The following NRAP variants were observed in gnomAD, a reference collection of about 807,000 sequenced individuals.
The protein encoded by NRAP is nebulin related anchoring protein, also known as nebulin-related-anchoring protein.
In NRAP, 189 loss-of-function variants were observed where a neutral mutation model predicts 225.9. The ratio of observed to expected loss-of-function variants is 0.84; its 90% CI spans 0.74 to 0.94. The LOEUF (loss-of-function observed/expected upper bound fraction) is 0.94. NRAP is among the 40% of genes least tolerant of loss of function. The probability of loss-of-function intolerance (pLI) is 0.00; values close to 1 mark genes in which losing one functional copy is unlikely to be tolerated. For synonymous variants in NRAP, 769 were observed against 790.7 expected, an observed-to-expected ratio of 0.97 and a Z score of 0.46; for missense variants, 2,176 against 2,168.7, an observed-to-expected ratio of 1.00 and a Z score of -0.07.
rs374696721 is a variant in NRAP, at chr10:113,654,012, G to C, written c.465+9C>G. 3 of 1,563,112 alleles carry C rather than the reference G, an allele frequency of 1.9e-6. No homozygotes were observed. Among genetic ancestry groups the C allele is most frequent in the Non-Finnish European group, 1.8e-6 (2 of 1,133,970 alleles). On this transcript the variant is annotated intron_variant, in intron 5 of 41. Coordinates refer to ENST00000359988, the MANE Select transcript of NRAP (RefSeq NM_198060.4). ...AACCAATTCCTAAAGCAATTTCTAG[G>C]GTGCTTACCTCACCAAGAGACTTTC...
At position 113,604,179 on chromosome 10, in the gene NRAP, C is replaced by T. The variant is rs543753903; in HGVS notation, c.4227+430G>A. Among the ~76,000 whole-genome samples the T allele has an allele frequency of 5.3e-5, 8 of 152,140 alleles. 1 individual carries two copies. The highest frequency in any genetic ancestry group is 4.2e-4 in the South Asian group (2 of 4,810). ...TCACCCAGGCTGGAGTGCAGTGGCG[C>T]GATCTCAGCTCACAGCAACCTCTGC... On this transcript the variant is annotated intron_variant, in intron 35 of 41. Coordinates refer to ENST00000359988, the MANE Select transcript of NRAP (RefSeq NM_198060.4).
intron 38 of NRAP, among the ~76,000 whole-genome samples, 183 bp downstream of exon 38, chr10:113,595,440 A>T (rs1592724314): frequency 6.6e-6 from 1 of 152,248 alleles, no homozygotes; most frequent in African/African-American, 2.4e-5. Context: ...GATAAAAAAA[A>T]CAAAAACGAG....
rs758902701 is a variant in NRAP, at chr10:113,662,726, T to C, written c.208A>G (p.Thr70Ala). 1.9e-6 allele frequency: 3 copies of C among 1,602,240 alleles called. No homozygotes were observed. The highest frequency in any genetic ancestry group is 2.6e-6 in the Non-Finnish European group (3 of 1,169,494). ...KNNTFTSVYH[T>A]PLNLNVRTFP... Reference sequence around the variant, plus strand: ...GTCCTCACATTTAGATTTAATGGAGTGTGATAGACACTGGTGAAAGTGTTG... The same window carrying C: ...GTCCTCACATTTAGATTTAATGGAGCGTGATAGACACTGGTGAAAGTGTTG... Residue 70 changes from threonine (T) to alanine (A), a missense_variant, in exon 3 of 42, where the codon ACT (threonine) becomes GCT (alanine). Thr to Ala is a moderately conservative substitution (Grantham distance 58). Transcript: ENST00000359988.
rs2134229836 is a variant in NRAP at position 113,662,659 on chromosome 10, C to T, written c.255+20G>A. The T allele has an allele frequency of 7.8e-7, 1 of 1,282,798 alleles. No homozygotes were observed. The highest frequency in any genetic ancestry group is 1.1e-6 in the Non-Finnish European group (1 of 877,506). 79.5% of individuals were successfully genotyped at this position (1,282,798 alleles called of 1,614,324 possible). On this transcript the variant is annotated intron_variant, in intron 3 of 41. Coordinates refer to ENST00000359988, the MANE Select transcript of NRAP (RefSeq NM_198060.4). ...ATCATTCTCCATACCCTCCATCCCA[C>T]TGAAAATTAAATAACTTACCCCACT...
chr10:113,640,183 G>T, intron 14 of NRAP, 44 bp downstream of exon 14: 1 of 1,130,524 alleles, frequency 8.8e-7, no homozygotes, highest in Non-Finnish European at 1.3e-6. Context: ...CAGGAAGGAA[G>T]CGACAAGTGA....
At chr10:113,606,091 C>T in intron 33 of NRAP, 87 bp downstream of exon 33, 1 of 1,012,184 alleles carries the variant, frequency 9.9e-7, no homozygotes, top group Non-Finnish European at 1.6e-6. Flanking sequence ...TCTGTGAAGG[C>T]CAGAAAGGTC....
rs1846912828 is a variant in NRAP at position 113,605,672 on chromosome 10, G to A, written c.3915+90C>T. 1.2e-6 allele frequency: 1 copy of A among 831,570 alleles called. No homozygotes were observed. The highest frequency in any genetic ancestry group is 2.1e-6 in the Non-Finnish European group (1 of 480,672). 51.5% of individuals were successfully genotyped at this position (831,570 alleles called of 1,614,324 possible). A position where few individuals can be genotyped will look rare whatever the true frequency, so the allele number is the denominator to read the frequency against. ...TCCTGTCTCACATGGTTATAGATTT[G>A]CTTTAATTCAGGAAAATCAGCCGTA... On this transcript the variant is annotated intron_variant, in intron 34 of 41. Transcript: ENST00000359988.
intron 35 of NRAP, among the ~76,000 whole-genome samples, chr10:113,600,940 C>T (rs1018092797): frequency 7.9e-5 from 12 of 152,122 alleles, no homozygotes; most frequent in African/African-American, 2.7e-4. Flanking sequence ...AACTGAGTCC[C>T]GAGAGCTTAA....
In NRAP at chr10:113,589,077, C is replaced by G; in HGVS notation, c.5091G>C (p.Arg1697=). ...ARGLGLQGAY[R]GAEAVEAGDH... ...CTCCAGCCTCCACTGCTTCTGCCCC[C>G]CGCTGCTGAAATCAAACATACCCCA... The change falls in exon 42 of 42, where the codon CGG becomes CGC. Residue 1697 remains arginine (R), a splice_region_variant and synonymous_variant. Transcript: ENST00000359988. 4 of 1,613,602 alleles carry G rather than the reference C, an allele frequency of 2.5e-6. No individual in the cohort carries two copies. The highest frequency in any genetic ancestry group is 2.5e-6 in the Non-Finnish European group (3 of 1,179,726).
intron 35 of NRAP, 31 bp from the exon 36 acceptor site, chr10:113,598,104 G>T: frequency 7.3e-7 from 1 of 1,371,154 alleles, no homozygotes; most frequent in East Asian, 2.3e-5. Flanking sequence ...GGCTTTATCA[G>T]GAGAGTGCTT....
chr10:113,616,018 C>T (rs972899746), intron 26 of NRAP, among the ~76,000 whole-genome samples: 23 of 152,184 alleles, frequency 1.5e-4, no homozygotes, highest in African/African-American at 5.3e-4. Context: ...TAGCTCAGAA[C>T]ATGACAAGCT....
At chr10:113,603,675 C>T (rs1846745156) in intron 35 of NRAP, among the ~76,000 whole-genome samples, 1 of 152,188 alleles carries the variant, frequency 6.6e-6, no homozygotes, top group South Asian at 2.1e-4. Context: ...CATCCCCACT[C>T]ACTCGGCCTC....
chr10:113,612,791 A>G (rs1345018147), intron 29 of NRAP, among the ~76,000 whole-genome samples: 1 of 152,208 alleles, frequency 6.6e-6, no homozygotes, highest in Non-Finnish European at 1.5e-5. Flanking sequence ...CCTGCCCACC[A>G]TATTTTTTCC....
Position 113,657,587 on chromosome 10 carries a change from G to A in NRAP, c.256-13C>T, listed in dbSNP as rs1850386223. ...CTTGGTCATGGATCTGCTCAAGGAA[G>A]ATGTTGTCAGTAATGTTTCCATCAG... On this transcript the variant is annotated splice_polypyrimidine_tract_variant and intron_variant, in intron 3 of 41. Coordinates refer to ENST00000359988, the MANE Select transcript of NRAP (RefSeq NM_198060.4). 7.5e-7 allele frequency: 1 copy of A among 1,337,016 alleles called. No homozygotes were observed. The highest frequency in any genetic ancestry group is 1.1e-6 in the Non-Finnish European group (1 of 929,108). 82.8% of individuals were successfully genotyped at this position (1,337,016 alleles called of 1,614,324 possible). A position where few individuals can be genotyped will look rare whatever the true frequency, so the allele number is the denominator to read the frequency against.
chr10:113,645,716 C>T (rs986723710), intron 11 of NRAP, 109 bp downstream of exon 11: 28 of 612,030 alleles, frequency 4.6e-5, no homozygotes, highest in East Asian at 1.4e-4. Context: ...CGCACCTGGC[C>T]GGTGTCACAC....
chr10:113,589,578 G>T, intron 41 of NRAP, 88 bp downstream of exon 41: 1 of 1,497,790 alleles, frequency 6.7e-7, no homozygotes, highest in Non-Finnish European at 9.0e-7. Context: ...CTGACCTTTG[G>T]CCAAAAATAA....
At chr10:113,602,040 C>T (rs778333433) in intron 35 of NRAP, among the ~76,000 whole-genome samples, 6 of 152,162 alleles carry the variant, frequency 3.9e-5, no homozygotes, top group Non-Finnish European at 7.4e-5. Context: ...TGTGCACCAC[C>T]ACACCCAGCT....
chr10:113,627,337 G>A (rs558171091), intron 20 of NRAP, among the ~76,000 whole-genome samples: 2 of 152,138 alleles, frequency 1.3e-5, no homozygotes, highest in South Asian at 2.1e-4. Flanking sequence ...AAACTACTCC[G>A]TACAGAGCAC....
At chr10:113,589,879 G>GTAAGCTCCCTGGAGACC in intron 40 of NRAP, 82 bp from the exon 41 acceptor site, 1 of 1,481,304 alleles carries the variant, frequency 6.8e-7, no homozygotes, top group Non-Finnish European at 9.2e-7. Context: ...GATTAAAAAG[G>GTAAGCTCCCTGGAGACC]CAGCCACAGT....
Sources: allele counts gnomAD v4.1 joint callset (sites outside exome capture counted in the v4.1 genomes callset), GRCh38; gene constraint gnomAD v4.1.1; transcripts MANE v1.5; gene names NCBI Gene and HGNC (gene_info 2026-07-23, HGNC 2026-07-21).